F5: variants seen among roughly 807,000 people sequenced by gnomAD.
F5 encodes activated protein c cofactor.
A neutral mutation model predicts 216.4 loss-of-function variants in F5; 138 were observed. The observed-to-expected ratio is 0.64, with a 90% CI of 0.56 to 0.73. The LOEUF (loss-of-function observed/expected upper bound fraction) is 0.73, where lower values mean the gene tolerates loss of function less well. Ranked by LOEUF, F5 falls within the 30% of genes least tolerant of loss-of-function variation. F5 has a pLI of 0.00. For missense variants in F5, 2,403 were observed against 2,674.0 expected (o/e 0.90, Z 2.24); for synonymous variants, 916 against 930.7 (o/e 0.98, Z 0.29).
At chr1:169,525,855 TA>T (rs1226582984) in intron 18 of F5, 45 bp downstream of exon 18, 1 of 1,298,254 alleles carries the variant, frequency 7.7e-7, no homozygotes, top group Admixed American at 1.7e-5. Flanking sequence ...ATTCTAGTAA[TA>T]GGCACTCTCC....
chr1:169,575,191 G>C (rs917359377), intron 2 of F5, among the ~76,000 whole-genome samples: 1 of 152,176 alleles, frequency 6.6e-6, no homozygotes, highest in Non-Finnish European at 1.5e-5. Context: ...CAAAGGCAGA[G>C]AGGAAAAGGG....
intron 13 of F5, among the ~76,000 whole-genome samples, chr1:169,538,347 GA>G (rs1311791014): frequency 6.6e-6 from 1 of 152,154 alleles, no homozygotes; most frequent in African/African-American, 2.4e-5. Flanking sequence ...GGAGCATTGA[GA>G]AAATGGTCAA....
chr1:169,542,778 A>T lies in F5; in HGVS notation c.2312T>A (p.Ile771Lys). Residue 771 changes from isoleucine (I) to lysine (K), a missense_variant, in exon 13 of 25, where the codon ATA becomes AAA. Ile to Lys is a moderately radical substitution (Grantham distance 102). Transcript: ENST00000367797. ...GGAAGAATAATTTGAACCAACAATT[A>T]TATCTGTGTTTGAAGAAACGAATTC... ...GTEFVSSNTD[I>K]IVGSNYSSPS... 1 of 1,614,130 alleles carries T rather than the reference A, an allele frequency of 6.2e-7. No homozygotes were observed. The highest frequency in any genetic ancestry group is 8.5e-7 in the Non-Finnish European group (1 of 1,179,990).
intron 21 of F5, among the ~76,000 whole-genome samples, chr1:169,521,764 G>A (rs969056152): frequency 6.6e-6 from 1 of 150,692 alleles, no homozygotes; most frequent in Admixed American, 6.7e-5. Context: ...GGGATTACAA[G>A]TGCACGCCAC....
chr1:169,556,605 A>C, intron 6 of F5, 41 bp downstream of exon 6: 4 of 1,595,906 alleles, frequency 2.5e-6, no homozygotes, highest in Non-Finnish European at 3.4e-6. Context: ...GGAAGAAAGG[A>C]TTCTGCATTG....
rs1037958384 is a variant in F5, at chr1:169,543,213, G to A, written c.1976-99C>T. 1.5e-4 allele frequency: 177 copies of A among 1,166,652 alleles called. 1 individual carries two copies. Among genetic ancestry groups the A allele is most frequent in the African/African-American group, 1.3e-3 (86 of 65,870 alleles). 72.3% of individuals were successfully genotyped at this position (1,166,652 alleles called of 1,614,324 possible). ...GGCAGGTAATTTCTAATAAACTTTC[G>A]TCAGGAATATTCAAGTATGGGCTGT... is the stretch of plus-strand genomic sequence containing the variant. On this transcript the variant is annotated intron_variant, in intron 12 of 24. Coordinates refer to ENST00000367797, the MANE Select transcript of F5 (RefSeq NM_000130.5).
rs1031760857 is a variant in F5 at position 169,513,520 on chromosome 1, G to A, written c.*793C>T. Among the ~76,000 whole-genome samples the A allele has an allele frequency of 2.0e-5, 3 of 152,092 alleles. No individual in the cohort carries two copies. Among genetic ancestry groups the A allele is most frequent in the African/African-American group, 7.2e-5 (3 of 41,424 alleles). On this transcript the variant is annotated 3_prime_UTR_variant, in exon 25 of 25. Coordinates refer to ENST00000367797, the MANE Select transcript of F5 (RefSeq NM_000130.5). ...CCAGTTTGGCCAGAGGTCTCTTTGA[G>A]CAGGAACAACTGCATTTAGACCAGC...
chr1:169,543,174 CAAT>C, intron 12 of F5, 60 bp from the exon 13 acceptor site: 1 of 1,496,814 alleles, frequency 6.7e-7, no homozygotes, highest in South Asian at 1.1e-5. Context: ...CATGAAAACA[CAAT>C]AATCCATTGT....
chr1:169,518,328 C>A, intron 23 of F5, 84 bp downstream of exon 23: 1 of 1,517,134 alleles, frequency 6.6e-7, no homozygotes, highest in South Asian at 1.1e-5. Flanking sequence ...CTCCTGCTTC[C>A]CAGATCCTCC....
intron 3 of F5, among the ~76,000 whole-genome samples, chr1:169,567,101 C>A (rs929323484): frequency 6.6e-6 from 1 of 151,740 alleles, no homozygotes; most frequent in African/African-American, 2.4e-5. Flanking sequence ...GGTTCTGGTG[C>A]AGGGTCTCTT....
rs1232968008 is a variant in F5, at chr1:169,540,997, T to C, written c.4093A>G (p.Thr1365Ala). 5 of 1,589,204 alleles carry C rather than the reference T, an allele frequency of 3.1e-6. No individual in the cohort carries two copies. The highest frequency in any genetic ancestry group is 4.3e-6 in the Non-Finnish European group (5 of 1,162,502). ...MPLSPDPSHT[T>A]LSLDLSQTNL... ...GTCTGGCTGAGGTCTAGAGAAAGGG[T>C]TGTATGGCTGGGGTCTGGAGAAAGG... Residue 1365 changes from threonine to alanine, a missense_variant, in exon 13 of 25, where the codon ACC (threonine) becomes GCC (alanine). By Grantham distance (58) the Thr-to-Ala change is moderately conservative (BLOSUM62 0). This residue lies in a region of F5 where 293 missense variants were observed against 270.8 expected (regional missense o/e 1.08). Transcript: ENST00000367797.
At chr1:169,583,569 CCTT>C (rs1156823870) in intron 1 of F5, among the ~76,000 whole-genome samples, 4 of 152,186 alleles carry the variant, frequency 2.6e-5, no homozygotes, top group African/African-American at 9.7e-5. Flanking sequence ...ACTGAAATCT[CCTT>C]CACAGAATTG....
chr1:169,570,275 A>G (rs887091292), intron 3 of F5, among the ~76,000 whole-genome samples: 2 of 152,138 alleles, frequency 1.3e-5, no homozygotes, highest in Non-Finnish European at 2.9e-5. Context: ...TTCACTGTGC[A>G]AACAGCCCAG....
rs757535465 is a variant in F5, at chr1:169,541,392, G to A, written c.3698C>T (p.Pro1233Leu). 8.7e-6 allele frequency: 14 copies of A among 1,612,698 alleles called. No homozygotes were observed. Among genetic ancestry groups the A allele is most frequent in the Non-Finnish European group, 9.3e-6 (11 of 1,179,522 alleles). The change falls in exon 13 of 25, where the codon CCA (proline) becomes CTA (leucine). Residue 1233 changes from proline (P) to leucine (L), a missense_variant. This residue lies in a region of F5 where 1,425 missense variants were observed against 1,554.8 expected (regional missense o/e 0.92). Coordinates refer to ENST00000367797, the MANE Select transcript of F5 (RefSeq NM_000130.5). ...AGAAAGGGTTGTATGGCTGAGGTCT[G>A]GAGAAATGGGCATCTGACCGAGGGC... ...SPALGQMPIS[P>L]DLSHTTLSPD...
In F5 at chr1:169,530,847, G is replaced by A; in HGVS notation, c.5147C>T (p.Ser1716Leu). The A allele has an allele frequency of 6.2e-7, 1 of 1,613,950 alleles. No homozygotes were observed. Among genetic ancestry groups the A allele is most frequent in the Non-Finnish European group, 8.5e-7 (1 of 1,179,850 alleles). The part of the protein sequence containing the change: ...YTYVWHATER[S>L]GPESPGSACR... The stretch of plus-strand genomic sequence containing the variant: ...GGCAGAGCCAGGACTTTCTGGCCCT[G>A]ATCGCTCAGTGGCATGCCATACGTA... Residue 1716 changes from serine (S) to leucine (L), a missense_variant, in exon 15 of 25, where the codon TCA becomes TTA. Ser to Leu is a moderately radical substitution (Grantham distance 145, BLOSUM62 -2). Coordinates refer to ENST00000367797, the MANE Select transcript of F5 (RefSeq NM_000130.5).
At chr1:169,523,156 G>A in intron 21 of F5, 41 bp downstream of exon 21, 1 of 1,608,280 alleles carries the variant, frequency 6.2e-7, no homozygotes, top group Non-Finnish European at 8.5e-7. Context: ...TCTAGGCCAA[G>A]TCTAGAGTCT....
In F5 at chr1:169,514,097, A is replaced by G; in HGVS notation, c.*216T>C. ...TGGTTCTTGATATTTTCCTACCTGT[A>G]TTCAAATTAATGCAGAAGTAATAGC... is the stretch of plus-strand genomic sequence containing the variant. On this transcript the variant is annotated 3_prime_UTR_variant, in exon 25 of 25. Coordinates refer to ENST00000367797, the MANE Select transcript of F5 (RefSeq NM_000130.5). 1.8e-6 allele frequency: 1 copy of G among 546,358 alleles called. No homozygotes were observed. The highest frequency in any genetic ancestry group is 2.3e-5 in the South Asian group (1 of 42,736). 33.8% of individuals were successfully genotyped at this position (546,358 alleles called of 1,614,324 possible).
chr1:169,561,193 G>A (rs1233202353), intron 3 of F5, among the ~76,000 whole-genome samples: 1 of 152,010 alleles, frequency 6.6e-6, no homozygotes, highest in Admixed American at 6.6e-5. Context: ...GTATTATTTT[G>A]TTTTGCTATT....
At position 169,524,700 on chromosome 1, in the gene F5, G is replaced by A. The variant is rs1026113532; in HGVS notation, c.5788+137C>T. ...CCATATATGTACCCCAAATGGAGCT[G>A]CTTCACTACATTGTAGTAGAGAAAA... On this transcript the variant is annotated intron_variant, in intron 19 of 24. Coordinates refer to ENST00000367797, the MANE Select transcript of F5 (RefSeq NM_000130.5). The A allele has an allele frequency of 3.1e-5, 24 of 770,944 alleles. 2 individuals are homozygous for A. Among genetic ancestry groups the A allele is most frequent in the South Asian group, 3.1e-4 (21 of 68,848 alleles). 47.8% of individuals were successfully genotyped at this position (770,944 alleles called of 1,614,324 possible).
Sources: allele counts gnomAD v4.1 joint callset (sites outside exome capture counted in the v4.1 genomes callset), GRCh38; gene constraint gnomAD v4.1.1; regional missense constraint gnomAD v4.1.1; transcripts MANE v1.5; gene names NCBI Gene and HGNC (gene_info 2026-07-23, HGNC 2026-07-21).